The following KIAA1328 variants were observed in gnomAD, a reference collection of about 807,000 sequenced individuals.
KIAA1328 encodes KIAA1328, also known as protein hinderin.
Under a neutral mutation model 68.1 loss-of-function variants are expected in KIAA1328, and 52 were observed. The observed-to-expected ratio is 0.76, with a 90% confidence interval of 0.61 to 0.96. KIAA1328 has a LOEUF of 0.96. KIAA1328 is among the 40% of genes least tolerant of loss of function. The pLI is 0.00. For missense variants in KIAA1328, 641 were observed against 677.6 expected (o/e 0.95, Z 0.60); for synonymous variants, 232 against 239.4 (o/e 0.97, Z 0.28).
At chr18:37,143,466 G>A (rs1429963558) in intron 7 of KIAA1328, among the ~76,000 whole-genome samples, 2 of 148,336 alleles carry the variant, frequency 1.3e-5, no homozygotes, top group African/African-American at 5.0e-5. Context: ...CTCATTGCCT[G>A]TGAATAATAA....
chr18:36,863,255 T>G (rs2047627998), intron 4 of KIAA1328, among the ~76,000 whole-genome samples: 2 of 149,730 alleles, frequency 1.3e-5, no homozygotes, highest in African/African-American at 4.9e-5. Flanking sequence ...TTGAGGTTCT[T>G]TTTTTTTTTC....
chr18:36,976,860 A>G (rs141062034), intron 6 of KIAA1328, among the ~76,000 whole-genome samples: 2 of 152,250 alleles, frequency 1.3e-5, no homozygotes, highest in African/African-American at 4.8e-5. Context: ...TTTGGAATTT[A>G]TTATTTGACT....
At chr18:37,230,754 G>A (rs1456515698), downstream of KIAA1328, 1 of 152,146 alleles carries the variant, frequency 6.6e-6, no homozygotes, top group Non-Finnish European at 1.5e-5. Flanking sequence ...ATACTCAGAG[G>A]ACTGGGGAGG....
At chr18:37,007,701 A>C (rs1371150082) in intron 6 of KIAA1328, among the ~76,000 whole-genome samples, 6 of 152,224 alleles carry the variant, frequency 3.9e-5, no homozygotes, top group African/African-American at 1.4e-4. Flanking sequence ...AACTAAATGA[A>C]GCCACCAAAA....
chr18:36,895,685 A>G (rs1485436030), intron 5 of KIAA1328: 10 of 451,414 alleles, frequency 2.2e-5, no homozygotes, highest in Middle Eastern at 6.9e-4. Flanking sequence ...AGAATTTGCG[A>G]TGGACTGAAT....
intron 5 of KIAA1328, among the ~76,000 whole-genome samples, chr18:36,891,524 A>T (rs952736762): frequency 5.3e-5 from 8 of 152,072 alleles, no homozygotes; most frequent in Non-Finnish European, 1.5e-5. Flanking sequence ...GCAGCCTCAT[A>T]ACTTAGCTCT....
At chr18:37,021,943 GGC>G (rs2054362964) in intron 6 of KIAA1328, among the ~76,000 whole-genome samples, 8 of 152,048 alleles carry the variant, frequency 5.3e-5, no homozygotes, top group Admixed American at 5.2e-4. Context: ...AGGAGGCTGA[GGC>G]AGGAGAATGA....
chr18:37,060,871 A>G (rs931079121), intron 6 of KIAA1328, among the ~76,000 whole-genome samples: 6 of 152,204 alleles, frequency 3.9e-5, no homozygotes, highest in Admixed American at 6.5e-5. Flanking sequence ...TAATCTCAGC[A>G]CTTTGGGAGG....
chr18:36,967,112 T>G (rs2051972343), intron 6 of KIAA1328, among the ~76,000 whole-genome samples: 1 of 152,198 alleles, frequency 6.6e-6, no homozygotes, highest in Admixed American at 6.5e-5. Context: ...CTATGTTATG[T>G]TATATATTTA....
At chr18:37,231,912 C>T (rs2060665471), downstream of KIAA1328, 1 of 152,260 alleles carries the variant, frequency 6.6e-6, no homozygotes, top group Non-Finnish European at 1.5e-5. Flanking sequence ...CTGGCTCTCA[C>T]TCCTCATTGC....
chr18:37,063,438 T>A (rs981404177), intron 6 of KIAA1328: 1 of 156,888 alleles, frequency 6.4e-6, no homozygotes, highest in Non-Finnish European at 1.4e-5. Context: ...AGTCAACTGA[T>A]TAGGAACCTT....
At chr18:37,040,015 T>C (rs546763148) in intron 6 of KIAA1328, among the ~76,000 whole-genome samples, 28 of 152,304 alleles carry the variant, frequency 1.8e-4, no homozygotes, top group Non-Finnish European at 2.8e-4. Flanking sequence ...TAATAGAGGC[T>C]GCACACATTT....
chr18:37,118,120 A>G (rs2058171464), intron 7 of KIAA1328, among the ~76,000 whole-genome samples: 1 of 150,828 alleles, frequency 6.6e-6, no homozygotes, highest in South Asian at 2.1e-4. Flanking sequence ...TCAGCTCCCC[A>G]AGTAGCTGGG....
chr18:37,180,332 G>A (rs1374165916), intron 9 of KIAA1328, among the ~76,000 whole-genome samples: 1 of 152,112 alleles, frequency 6.6e-6, no homozygotes, highest in Non-Finnish European at 1.5e-5. Context: ...TCACATAGTA[G>A]GAAGCAGAAA....
chr18:37,181,000 G>A (rs1599528111), intron 9 of KIAA1328, among the ~76,000 whole-genome samples: 1 of 152,080 alleles, frequency 6.6e-6, no homozygotes, highest in East Asian at 1.9e-4. Context: ...TTTAATGACT[G>A]TTAAAGCTCA....
intron 7 of KIAA1328, among the ~76,000 whole-genome samples, chr18:37,105,968 TTTTAAATAAATATAAAAATTA>T: frequency 1.4e-5 from 2 of 138,934 alleles, no homozygotes; most frequent in African/African-American, 5.7e-5. Context: ...AAAAGGTATT[TTTTAAATAAATATAAAAATTA>T]TCCCTTAAAC....
At chr18:37,201,438 TA>T (rs1289120524) in intron 9 of KIAA1328, among the ~76,000 whole-genome samples, 2 of 152,224 alleles carry the variant, frequency 1.3e-5, no homozygotes, top group African/African-American at 4.8e-5. Flanking sequence ...GGCTGGAATC[TA>T]TAACAGGTAT....
chr18:37,143,521 C>CTTTTGTTTTTTTTTTTTT (rs2058822455), intron 7 of KIAA1328, among the ~76,000 whole-genome samples: 1 of 90,778 alleles, frequency 1.1e-5, no homozygotes, highest in African/African-American at 4.8e-5. Context: ...TTTTTTCTTT[C>CTTTTGTTTTTTTTTTTTT]TTTTTTTTTT....
At chr18:37,123,890 G>A (rs552786464) in intron 7 of KIAA1328, among the ~76,000 whole-genome samples, 69 of 152,234 alleles carry the variant, frequency 4.5e-4, no homozygotes, top group African/African-American at 1.6e-3. Context: ...ATACATGTCA[G>A]GATAGTAAAG....
Sources: allele counts gnomAD v4.1 joint callset (sites outside exome capture counted in the v4.1 genomes callset), GRCh38; gene constraint gnomAD v4.1.1; transcripts MANE v1.5; gene names NCBI Gene and HGNC (gene_info 2026-07-23, HGNC 2026-07-21).